PTPRK: variants seen among roughly 807,000 people sequenced by gnomAD.
PTPRK encodes the protein protein tyrosine phosphatase receptor type K, also known as receptor-type tyrosine-protein phosphatase kappa.
Under a neutral mutation model 178.0 loss-of-function variants are expected in PTPRK, and 75 were observed. The ratio of observed to expected loss-of-function variants is 0.42; its 90% CI spans 0.35 to 0.51. PTPRK has a LOEUF of 0.51. Among genes scored for constraint, PTPRK ranks in the 20% least tolerant of loss-of-function variants. The probability of loss-of-function intolerance (pLI) is 0.02; values close to 1 mark genes in which losing one functional copy is unlikely to be tolerated. For synonymous variants in PTPRK, 637 were observed against 620.6 expected, an observed-to-expected ratio of 1.03 and a Z score of -0.39; for missense variants, 1,441 against 1,797.8, an observed-to-expected ratio of 0.80 and a Z score of 3.59.
chr6:128,030,927 C>A (rs1775217835), intron 13 of PTPRK, among the ~76,000 whole-genome samples: 1 of 151,902 alleles, frequency 6.6e-6, no homozygotes, highest in Non-Finnish European at 1.5e-5. Context: ...ATTTTTTTCC[C>A]CAGCAAATAT....
At chr6:128,041,777 T>C (rs1026224530) in intron 13 of PTPRK, among the ~76,000 whole-genome samples, 1 of 151,774 alleles carries the variant, frequency 6.6e-6, no homozygotes, top group Non-Finnish European at 1.5e-5. Context: ...TGACTGTGTA[T>C]GTGTAGATAT....
intron 6 of PTPRK, among the ~76,000 whole-genome samples, chr6:128,207,983 G>C (rs1807277805): frequency 6.9e-6 from 1 of 145,340 alleles, no homozygotes. Flanking sequence ...GGCAGATTGG[G>C]ATTCAGTTTC....
intron 1 of PTPRK, among the ~76,000 whole-genome samples, chr6:128,476,853 T>C (rs1219386514): frequency 1.3e-5 from 2 of 151,766 alleles, no homozygotes; most frequent in African/African-American, 4.8e-5. Context: ...ATGACAAATT[T>C]CAACGAGTAT....
intron 1 of PTPRK, among the ~76,000 whole-genome samples, chr6:128,399,748 G>A (rs191496767): frequency 6.6e-6 from 1 of 152,088 alleles, no homozygotes; most frequent in Non-Finnish European, 1.5e-5. Flanking sequence ...GGCCTTAATT[G>A]CTCTCCTTCA....
intron 5 of PTPRK, among the ~76,000 whole-genome samples, chr6:128,224,270 C>T (rs1365272382): frequency 6.6e-6 from 1 of 152,176 alleles, no homozygotes; most frequent in African/African-American, 2.4e-5. Context: ...GTCTCCAATA[C>T]AAGTTGCTGG....
chr6:128,187,068 T>C (rs1802893855), intron 6 of PTPRK, among the ~76,000 whole-genome samples: 1 of 152,136 alleles, frequency 6.6e-6, no homozygotes, highest in Non-Finnish European at 1.5e-5. Flanking sequence ...AAGTGAATTA[T>C]ATATAACAAA....
At chr6:128,029,660 A>AATG (rs912738143) in intron 13 of PTPRK, among the ~76,000 whole-genome samples, 2 of 147,142 alleles carry the variant, frequency 1.4e-5, no homozygotes, top group Non-Finnish European at 3.0e-5. Flanking sequence ...TAATAATAAT[A>AATG]ATAATAATAA....
At chr6:128,134,527 GC>G (rs1237859304) in intron 7 of PTPRK, among the ~76,000 whole-genome samples, 1 of 152,154 alleles carries the variant, frequency 6.6e-6, no homozygotes, top group Non-Finnish European at 1.5e-5. Flanking sequence ...CTTAAGCAGA[GC>G]CAGGCACAGT....
chr6:128,063,970 C>A (rs1169046694), intron 13 of PTPRK, among the ~76,000 whole-genome samples: 1 of 152,166 alleles, frequency 6.6e-6, no homozygotes, highest in Non-Finnish European at 1.5e-5. Flanking sequence ...CGGCAGCAAA[C>A]CACCCCAAGA....
At chr6:128,331,229 G>A (rs1190917605) in intron 2 of PTPRK, among the ~76,000 whole-genome samples, 1 of 152,108 alleles carries the variant, frequency 6.6e-6, no homozygotes, top group Non-Finnish European at 1.5e-5. Flanking sequence ...AAAAAAGTCG[G>A]ACAACTATCT....
At chr6:128,244,231 A>T (rs191720002) in intron 3 of PTPRK, among the ~76,000 whole-genome samples, 2 of 152,364 alleles carry the variant, frequency 1.3e-5, no homozygotes, top group Admixed American at 1.3e-4. Context: ...CTTAAGTAAT[A>T]ACTAGATAGA....
intron 3 of PTPRK, among the ~76,000 whole-genome samples, chr6:128,302,115 G>A (rs1416040341): frequency 6.6e-6 from 1 of 152,020 alleles, no homozygotes; most frequent in Non-Finnish European, 1.5e-5. Flanking sequence ...CGGGCCGGGT[G>A]AGGTGGCTCA....
At chr6:127,971,270 C>T (rs1303942767) in intron 29 of PTPRK, among the ~76,000 whole-genome samples, 1 of 152,102 alleles carries the variant, frequency 6.6e-6, no homozygotes, top group Non-Finnish European at 1.5e-5. Flanking sequence ...ATATGCAATT[C>T]ATTTAAAAAT....
rs1186085790 is a variant in PTPRK, at chr6:128,153,231, C to T, written c.1162+31201G>A. Among the ~76,000 whole-genome samples the T allele has an allele frequency of 2.6e-5, 4 of 151,532 alleles. No individual in the cohort carries two copies. In the South Asian group the frequency reaches 8.3e-4, roughly 31 times the overall value. ...AAGAAAGACTAGACACTTGAGAAAA[C>T]CAGGATTTCACTAAGTTAGAATGAT... On this transcript the variant is annotated intron_variant, in intron 7 of 29. Coordinates refer to ENST00000368226, the MANE Select transcript of PTPRK (RefSeq NM_002844.4).
At chr6:128,046,628 C>A (rs1010774439) in intron 13 of PTPRK, among the ~76,000 whole-genome samples, 38 of 152,156 alleles carry the variant, frequency 2.5e-4, no homozygotes, top group African/African-American at 6.5e-4. Flanking sequence ...CATCTTAGTA[C>A]AATTTAAGAA....
chr6:128,452,927 A>C (rs1036277209), intron 1 of PTPRK, among the ~76,000 whole-genome samples: 1 of 152,196 alleles, frequency 6.6e-6, no homozygotes, highest in Non-Finnish European at 1.5e-5. Context: ...ATAAAGATCT[A>C]CATAGTCAGA....
rs532223706 is a variant in PTPRK at position 128,256,985 on chromosome 6, C to T, written c.496-14383G>A. Among the ~76,000 whole-genome samples, 21 of 151,788 alleles carry T rather than the reference C, an allele frequency of 1.4e-4. No homozygotes were observed. In the East Asian group the frequency reaches 3.3e-3, roughly 24 times the overall value. ...GTGGCTCATGCCTGTAATCCCAGAA[C>T]TTTGGGAGGCCGAGGCAGGAGGATC... On this transcript the variant is annotated intron_variant, in intron 3 of 29. Transcript: ENST00000368226.
At chr6:128,037,447 A>G (rs999568944) in intron 13 of PTPRK, among the ~76,000 whole-genome samples, 8 of 152,160 alleles carry the variant, frequency 5.3e-5, no homozygotes, top group African/African-American at 1.9e-4. Context: ...GAGTTACCCA[A>G]TTGAGCTCTC....
At position 128,018,406 on chromosome 6, in the gene PTPRK, A is replaced by G. The variant is rs377540905; in HGVS notation, c.2195-9138T>C. ...AAATCTAAAACATTCTTTAAGAGAAAAATTCTGCTTTTCATAGCATCAGTT... is the reference window on the plus strand; with the variant it reads ...AAATCTAAAACATTCTTTAAGAGAAGAATTCTGCTTTTCATAGCATCAGTT... On this transcript the variant is annotated intron_variant, in intron 13 of 29. Transcript: ENST00000368226. 8.1e-4 allele frequency among the ~76,000 whole-genome samples: 123 copies of G among 152,234 alleles called. 2 individuals are homozygous for G. The highest frequency in any genetic ancestry group is 1.6e-3 in the Non-Finnish European group (106 of 67,992).
Sources: gnomAD v4.1 joint callset for allele counts (sites outside exome capture counted in the v4.1 genomes callset) on GRCh38, gnomAD v4.1.1 for gene constraint, MANE v1.5 for transcripts, NCBI Gene and HGNC (gene_info 2026-07-23, HGNC 2026-07-21) for gene names.